The following PDE6G variants were observed in gnomAD, a reference collection of about 807,000 sequenced individuals.
PDE6G encodes the protein phosphodiesterase 6G, also known as rod cGMP 3',5'-cyclic phosphodiesterase subunit gamma.
PDE6G carries 10 observed loss-of-function variants against 10.9 expected under a neutral mutation model. The ratio of observed to expected loss-of-function variants is 0.91; its 90% CI spans 0.56 to 1.55. The LOEUF (loss-of-function observed/expected upper bound fraction) is 1.55. PDE6G is among the 40% of genes most tolerant of loss of function. The probability of loss-of-function intolerance (pLI) is 0.00; values close to 1 mark genes in which losing one functional copy is unlikely to be tolerated. For synonymous variants in PDE6G, 41 were observed against 42.8 expected (o/e 0.96, Z 0.16); for missense variants, 102 against 110.1 (o/e 0.93, Z 0.33).
At chr17:81,654,741 T>C (rs1410197203) in intron 1 of PDE6G, among the ~76,000 whole-genome samples, 1 of 148,120 alleles carries the variant, frequency 6.8e-6, no homozygotes, top group Non-Finnish European at 1.5e-5. Flanking sequence ...GAGCTGTGGC[T>C]GGAATCTCAC....
upstream of PDE6G, among the ~76,000 whole-genome samples, chr17:81,659,151 CTT>C (rs779928637): frequency 1.6e-4 from 18 of 114,666 alleles, no homozygotes; most frequent in Middle Eastern, 4.7e-3. Context: ...CAATCCATAT[CTT>C]TTTTTTTTTT....
At position 81,653,020 on chromosome 17, in the gene PDE6G, C is replaced by T. The variant is rs1228715548; in HGVS notation, c.146+140G>A. On this transcript the variant is annotated intron_variant, in intron 2 of 3. Transcript: ENST00000331056. The surrounding 1 kb of genome is among the most constrained non-coding windows in gnomAD (Gnocchi z 5.2). ...CCATCCCTGCTCAGGCCCTCAGGCA[C>T]CGCCCTACCTTCCCCAGCTGTGAGG... 2 of 1,024,218 alleles carry T rather than the reference C, an allele frequency of 2.0e-6. No homozygotes were observed. The highest frequency in any genetic ancestry group is 1.5e-6 in the Non-Finnish European group (1 of 653,136). The allele number at this position is 1,024,218 out of a possible 1,614,324, so 63.4% of individuals were successfully genotyped here. A position where few individuals can be genotyped will look rare whatever the true frequency, so the allele number is the denominator to read the frequency against.
chr17:81,657,862 C>T (rs1235693080), upstream of PDE6G, among the ~76,000 whole-genome samples: 1 of 151,356 alleles, frequency 6.6e-6, no homozygotes, highest in African/African-American at 2.4e-5. Context: ...GCCTGGGCGA[C>T]AGAGCGAGAT....
At chr17:81,658,612 A>T (rs1230053055), upstream of PDE6G, among the ~76,000 whole-genome samples, 1 of 151,688 alleles carries the variant, frequency 6.6e-6, no homozygotes, top group East Asian at 1.9e-4. Context: ...AGGCCGAGGC[A>T]GGTGGATTAC....
At chr17:81,659,776 A>G (rs182697913), upstream of PDE6G, among the ~76,000 whole-genome samples, 135 of 152,258 alleles carry the variant, frequency 8.9e-4, 1 homozygote, top group African/African-American at 3.0e-3. Context: ...CTTGGAAGTT[A>G]CTTATGTTTA....
At chr17:81,656,667 A>G (rs66517022), upstream of PDE6G, 40,846 of 703,104 alleles carry the variant, frequency 0.058, 2,039 homozygotes, top group East Asian at 0.25. Context: ...CAGGGGATGG[A>G]GAGGAGGGGC....
At chr17:81,658,005 C>T (rs547634834), upstream of PDE6G, among the ~76,000 whole-genome samples, 1 of 149,940 alleles carries the variant, frequency 6.7e-6, no homozygotes, top group Admixed American at 6.6e-5. Context: ...AGTTCAAGAC[C>T]AGCCTGGACA....
At chr17:81,657,999 C>G (rs1257896286), upstream of PDE6G, among the ~76,000 whole-genome samples, 3 of 151,932 alleles carry the variant, frequency 2.0e-5, no homozygotes, top group African/African-American at 7.3e-5. Flanking sequence ...GCCAGGAGTT[C>G]AAGACCAGCC....
At chr17:81,662,150 C>T (rs2036518058) in intron 1 of PDE6G, among the ~76,000 whole-genome samples, 1 of 152,090 alleles carries the variant, frequency 6.6e-6, no homozygotes, top group Non-Finnish European at 1.5e-5. Context: ...TATTATGTCT[C>T]CCTAAAAAGT....
Position 81,651,583 on chromosome 17 carries a change from C to T in PDE6G, c.187+62G>A, listed in dbSNP as rs1174445565. On this transcript the variant is annotated intron_variant, in intron 3 of 3. Transcript: ENST00000331056. The surrounding 1 kb of genome is among the most constrained non-coding windows in gnomAD (Gnocchi z 4.8). ...GAGGTGGGCTGCAATGGGCCCCGGG[C>T]GTGCTGGGTGTGCCTGGGGGGACCT... 9.2e-6 allele frequency: 14 copies of T among 1,522,984 alleles called. No individual in the cohort carries two copies. Among genetic ancestry groups the T allele is most frequent in the South Asian group, 7.8e-5 (7 of 89,222 alleles). 94.3% of individuals were successfully genotyped at this position (1,522,984 alleles called of 1,614,324 possible). A position where few individuals can be genotyped will look rare whatever the true frequency, so the allele number is the denominator to read the frequency against.
In PDE6G at chr17:81,650,968, A is replaced by G; in HGVS notation, c.*106T>C. The G allele has an allele frequency of 1.2e-6, 1 of 832,742 alleles. No individual in the cohort carries two copies. Among genetic ancestry groups the G allele is most frequent in the South Asian group, 1.4e-5 (1 of 72,470 alleles). The allele number at this position is 832,742 out of a possible 1,614,324, so 51.6% of individuals were successfully genotyped here. A position where few individuals can be genotyped will look rare whatever the true frequency, so the allele number is the denominator to read the frequency against. ...AGGTTGCAGTCCCATCCTGGTGTCC[A>G]GGTGCCATCTGGGCTAGGGAGGCAT... is the stretch of plus-strand genomic sequence containing the variant. On this transcript the variant is annotated 3_prime_UTR_variant, in exon 4 of 4. Coordinates refer to ENST00000331056, the MANE Select transcript of PDE6G (RefSeq NM_002602.4).
intron 1 of PDE6G, among the ~76,000 whole-genome samples, chr17:81,656,284 A>C (rs1262705705): frequency 6.6e-6 from 1 of 152,150 alleles, no homozygotes; most frequent in Non-Finnish European, 1.5e-5. Flanking sequence ...TGGTGGAAGC[A>C]CTGGTTACCA....
chr17:81,658,698 G>A (rs2036480029), upstream of PDE6G, among the ~76,000 whole-genome samples: 1 of 151,824 alleles, frequency 6.6e-6, no homozygotes, highest in Non-Finnish European at 1.5e-5. Flanking sequence ...AAAATTAGCT[G>A]GGCGTGGTGG....
chr17:81,656,415 TGGGTGA>T (rs1403161074), intron 1 of PDE6G, 72 bp downstream of exon 1: 2 of 709,270 alleles, frequency 2.8e-6, no homozygotes, highest in African/African-American at 3.5e-5. Context: ...CTCTGCCCCT[TGGGTGA>T]TGAGCAGACC....
At position 81,651,289 on chromosome 17, in the gene PDE6G, C is replaced by T. The variant is rs915897301; in HGVS notation, c.188-139G>A. On this transcript the variant is annotated intron_variant, in intron 3 of 3. Coordinates refer to ENST00000331056, the MANE Select transcript of PDE6G (RefSeq NM_002602.4). The surrounding 1 kb of genome is among the most constrained non-coding windows in gnomAD (Gnocchi z 4.8). ...GGACGTGCGGACGCTGGAGTGGGGC[C>T]CTCCTCTGGGGACACACTGGCTGTG... The T allele has an allele frequency of 4.3e-6, 3 of 704,764 alleles. No homozygotes were observed. Among genetic ancestry groups the T allele is most frequent in the South Asian group, 1.6e-5 (1 of 63,498 alleles). 43.7% of individuals were successfully genotyped at this position (704,764 alleles called of 1,614,324 possible).
chr17:81,655,690 CACAG>C (rs3842709), intron 1 of PDE6G, among the ~76,000 whole-genome samples: 8,023 of 152,322 alleles, frequency 0.053, 299 homozygotes, highest in East Asian at 0.21. Context: ...AGGCACATGA[CACAG>C]ACAGGAGGGG....
chr17:81,656,532 C>T lies in PDE6G; in HGVS notation c.-99G>A. ...GTCTCAGGGGGCTGTGCTGTGAGTGCTGGGCCTCCCTCCGCAGGGTGCCAG... is the reference window on the plus strand; with the variant it reads ...GTCTCAGGGGGCTGTGCTGTGAGTGTTGGGCCTCCCTCCGCAGGGTGCCAG... On this transcript the variant is annotated 5_prime_UTR_variant, in exon 1 of 4. Coordinates refer to ENST00000331056, the MANE Select transcript of PDE6G (RefSeq NM_002602.4). The T allele has an allele frequency of 1.3e-6, 1 of 763,818 alleles. No homozygotes were observed. The allele number at this position is 763,818 out of a possible 1,614,324, so 47.3% of individuals were successfully genotyped here. A position where few individuals can be genotyped will look rare whatever the true frequency, so the allele number is the denominator to read the frequency against.
rs1291509019 is a variant in PDE6G, at chr17:81,650,527, C to T, written c.*547G>A. ...GCAGGCTGTATTGAGAAGGATGGCC[C>T]CCTGGTGTGATGAGCTTGGGGCCTC... On this transcript the variant is annotated 3_prime_UTR_variant, in exon 4 of 4. Transcript: ENST00000331056. The T allele has an allele frequency of 4.4e-6, 2 of 453,920 alleles. No individual in the cohort carries two copies. The highest frequency in any genetic ancestry group is 2.0e-5 in the African/African-American group (1 of 49,984). The allele number at this position is 453,920 out of a possible 1,614,324, so 28.1% of individuals were successfully genotyped here.
At chr17:81,657,996 GT>G, upstream of PDE6G, among the ~76,000 whole-genome samples, 1 of 152,034 alleles carries the variant, frequency 6.6e-6, no homozygotes, top group Admixed American at 6.6e-5. Context: ...GAGGCCAGGA[GT>G]TCAAGACCAG....
Sources: gnomAD v4.1 joint callset for allele counts (sites outside exome capture counted in the v4.1 genomes callset) on GRCh38, gnomAD v4.1.1 for gene constraint, Gnocchi (gnomAD v3.1) non-coding constraint, MANE v1.5 for transcripts, NCBI Gene and HGNC (gene_info 2026-07-23, HGNC 2026-07-21) for gene names.